Variants in WWC2 observed in about 807,000 individuals in gnomAD.
WWC2 encodes the protein protein WWC2.
WWC2 carries 101 observed loss-of-function variants against 138.5 expected under a neutral mutation model. The observed-to-expected ratio is 0.73, with a 90% CI of 0.62 to 0.86. The LOEUF is 0.86. Ranked by LOEUF, WWC2 falls within the 40% of genes least tolerant of loss-of-function variation. The pLI is 0.00. For missense variants in WWC2, 1,420 were observed against 1,419.4 expected (o/e 1.00, Z -0.01); for synonymous variants, 558 against 538.4 (o/e 1.04, Z -0.50).
chr4:183,109,984 C>T (rs1732182094), intron 1 of WWC2, among the ~76,000 whole-genome samples: 1 of 152,072 alleles, frequency 6.6e-6, no homozygotes, highest in African/African-American at 2.4e-5. Flanking sequence ...TTTCATGGGT[C>T]CCTGTTCAAA....
intron 1 of WWC2, among the ~76,000 whole-genome samples, chr4:183,182,797 A>C (rs1734672360): frequency 6.6e-6 from 1 of 152,248 alleles, no homozygotes; most frequent in Non-Finnish European, 1.5e-5. Context: ...CAGGAAACAT[A>C]TGTATCAACT....
intron 16 of WWC2, among the ~76,000 whole-genome samples, chr4:183,273,083 C>T (rs1737745091): frequency 6.6e-6 from 1 of 152,112 alleles, no homozygotes; most frequent in African/African-American, 2.4e-5. Context: ...TATGAGGGTT[C>T]CAGTTTCTCC....
intron 16 of WWC2, among the ~76,000 whole-genome samples, chr4:183,278,784 G>A (rs1469831133): frequency 6.6e-6 from 1 of 151,652 alleles, no homozygotes; most frequent in African/African-American, 2.4e-5. Context: ...CTGTTTGTCT[G>A]TTGTTGGTGT....
At chr4:183,140,109 G>T (rs1438228561) in intron 1 of WWC2, among the ~76,000 whole-genome samples, 1 of 152,218 alleles carries the variant, frequency 6.6e-6, no homozygotes, top group Admixed American at 6.5e-5. Flanking sequence ...ACTGCTCCCA[G>T]CCTGGGAATT....
chr4:183,129,913 T>C (rs1732870045), intron 1 of WWC2, among the ~76,000 whole-genome samples: 1 of 152,196 alleles, frequency 6.6e-6, no homozygotes, highest in Non-Finnish European at 1.5e-5. Context: ...CACAGCTCCC[T>C]CTTTTCTCTT....
intron 4 of WWC2, among the ~76,000 whole-genome samples, chr4:183,238,656 G>A (rs943458901): frequency 6.6e-6 from 1 of 152,072 alleles, no homozygotes; most frequent in African/African-American, 2.4e-5. Flanking sequence ...TTCCTGTTGA[G>A]GACCCCTTCT....
At chr4:183,245,674 G>T in intron 6 of WWC2, 129 bp downstream of exon 6, 1 of 1,096,356 alleles carries the variant, frequency 9.1e-7, no homozygotes, top group Non-Finnish European at 1.2e-6. Context: ...GTGCAGAATG[G>T]GCCCTGTGGA....
intron 9 of WWC2, among the ~76,000 whole-genome samples, chr4:183,255,595 C>G (rs111777329): frequency 3.3e-5 from 5 of 152,216 alleles, no homozygotes; most frequent in African/African-American, 1.2e-4. Flanking sequence ...CTCAGCTGTT[C>G]TACTTTGTAG....
chr4:183,119,968 T>G (rs1732548732), intron 1 of WWC2, among the ~76,000 whole-genome samples: 1 of 152,244 alleles, frequency 6.6e-6, no homozygotes, highest in Non-Finnish European at 1.5e-5. Flanking sequence ...GAACTTAAAT[T>G]TATTTGTTAT....
At chr4:183,113,666 A>G (rs950666440) in intron 1 of WWC2, among the ~76,000 whole-genome samples, 9 of 151,966 alleles carry the variant, frequency 5.9e-5, no homozygotes, top group African/African-American at 2.2e-4. Flanking sequence ...CAAAGTGCTG[A>G]AATTTACAGG....
At chr4:183,242,587 G>C (rs1736658193) in intron 5 of WWC2, among the ~76,000 whole-genome samples, 1 of 152,160 alleles carries the variant, frequency 6.6e-6, no homozygotes, top group Non-Finnish European at 1.5e-5. Context: ...TGTGCATTCA[G>C]AATTGGAAAA....
At chr4:183,256,881 ACAGCCCCCC>A (rs111468078) in intron 9 of WWC2, among the ~76,000 whole-genome samples, 7,338 of 66,110 alleles carry the variant, frequency 0.11, 1,138 homozygotes, top group African/African-American at 0.38. Context: ...GTGTGATCCT[ACAGCCCCCC>A]CCCCCCCCCC....
intron 11 of WWC2, among the ~76,000 whole-genome samples, chr4:183,261,930 G>C (rs1023215117): frequency 2.0e-5 from 3 of 152,204 alleles, no homozygotes; most frequent in Non-Finnish European, 4.4e-5. Flanking sequence ...TAGCTAATTA[G>C]TACCAAGGTT....
chr4:183,173,667 G>A (rs1734360601), intron 1 of WWC2, among the ~76,000 whole-genome samples: 2 of 151,918 alleles, frequency 1.3e-5, no homozygotes, highest in Admixed American at 1.3e-4. Context: ...CGATGCTTGT[G>A]TTGAGATTGG....
At chr4:183,301,158 T>C (rs1738827475) in intron 21 of WWC2, among the ~76,000 whole-genome samples, 1 of 152,226 alleles carries the variant, frequency 6.6e-6, no homozygotes, top group Non-Finnish European at 1.5e-5. Context: ...ACTAATTTAG[T>C]AATTTGACAT....
At chr4:183,127,282 A>G (rs1316120400) in intron 1 of WWC2, among the ~76,000 whole-genome samples, 1 of 152,256 alleles carries the variant, frequency 6.6e-6, no homozygotes, top group Non-Finnish European at 1.5e-5. Flanking sequence ...TATAAAACCC[A>G]GAAGCATAAA....
chr4:183,116,159 C>T (rs1732401960), intron 1 of WWC2, among the ~76,000 whole-genome samples: 1 of 152,030 alleles, frequency 6.6e-6, no homozygotes, highest in Non-Finnish European at 1.5e-5. Flanking sequence ...AAGTGTGTGA[C>T]TTTATTTCTG....
At chr4:183,175,227 A>T (rs1383585982) in intron 1 of WWC2, among the ~76,000 whole-genome samples, 2 of 152,244 alleles carry the variant, frequency 1.3e-5, no homozygotes, top group African/African-American at 4.8e-5. Context: ...TCTAGCATAA[A>T]TTATATAGTT....
intron 4 of WWC2, among the ~76,000 whole-genome samples, chr4:183,219,033 C>G (rs763822273): frequency 2.0e-5 from 3 of 152,124 alleles, no homozygotes; most frequent in Admixed American, 6.5e-5. Flanking sequence ...AATTCTGGTA[C>G]ATACTACAAC....
Sources: gnomAD v4.1 joint callset for allele counts (sites outside exome capture counted in the v4.1 genomes callset) on GRCh38, gnomAD v4.1.1 for gene constraint, MANE v1.5 for transcripts, NCBI Gene and HGNC (gene_info 2026-07-23, HGNC 2026-07-21) for gene names.